UNC5C: variants seen among roughly 807,000 people sequenced by gnomAD.
The protein encoded by UNC5C is netrin receptor UNC5C.
Under a neutral mutation model 99.8 loss-of-function variants are expected in UNC5C, and 47 were observed. The observed-to-expected ratio is 0.47, with a 90% confidence interval of 0.37 to 0.60. The LOEUF (loss-of-function observed/expected upper bound fraction) is 0.60, where lower values mean the gene tolerates loss of function less well. UNC5C is among the 20% of genes least tolerant of loss of function. The pLI is 0.00. For synonymous variants in UNC5C, 487 were observed against 452.2 expected, an observed-to-expected ratio of 1.08 and a Z score of -0.98; for missense variants, 1,062 against 1,165.9, an observed-to-expected ratio of 0.91 and a Z score of 1.30.
rs1053731390 is a variant in UNC5C, at chr4:95,369,199, G to GA, written c.125-33569_125-33568insT. Among the ~76,000 whole-genome samples, 26 of 9,104 alleles carry GA rather than the reference G, an allele frequency of 2.9e-3. No homozygotes were observed. In the African/African-American group the frequency reaches 0.091, roughly 32 times the overall value. 6.0% of individuals were successfully genotyped at this position (9,104 alleles called of 152,430 possible). ...TGTATACTTTCTGCAATCTCAATTT[G>GA]GTGCTAAATTTTTACCAGAAATACT... On this transcript the variant is annotated intron_variant, in intron 1 of 15. Coordinates refer to ENST00000453304, the MANE Select transcript of UNC5C (RefSeq NM_003728.4).
chr4:95,383,262 TACACACACACACAC>T (rs35068196), intron 1 of UNC5C, among the ~76,000 whole-genome samples: 9 of 150,816 alleles, frequency 6.0e-5, no homozygotes, highest in African/African-American at 2.2e-4. Context: ...TGTGTGTGTT[TACACACACACACAC>T]ACACACACAC....
chr4:95,329,758 T>C (rs1273727582), intron 2 of UNC5C, among the ~76,000 whole-genome samples: 1 of 152,242 alleles, frequency 6.6e-6, no homozygotes, highest in Admixed American at 6.5e-5. Context: ...TTTTTAAATC[T>C]GTCTCTTGGT....
intron 1 of UNC5C, among the ~76,000 whole-genome samples, chr4:95,545,996 A>C (rs1477003172): frequency 6.6e-6 from 1 of 152,174 alleles, no homozygotes; most frequent in East Asian, 1.9e-4. Flanking sequence ...AACTCAGTAC[A>C]CTCACAAATA....
intron 12 of UNC5C, 33 bp from the exon 13 acceptor site, chr4:95,185,229 T>C: frequency 6.4e-7 from 1 of 1,574,574 alleles, no homozygotes; most frequent in Non-Finnish European, 8.6e-7. Flanking sequence ...CAAAGCACGT[T>C]ATTGATTTGG....
At chr4:95,480,757 C>A (rs265069) in intron 1 of UNC5C, among the ~76,000 whole-genome samples, 12,969 of 152,030 alleles carry the variant, frequency 0.085, 813 homozygotes, top group African/African-American at 0.16. Flanking sequence ...AAGAAAAAAA[C>A]CACATGATTA....
chr4:95,355,136 T>C (rs538510959), intron 1 of UNC5C, among the ~76,000 whole-genome samples: 1 of 152,292 alleles, frequency 6.6e-6, no homozygotes, highest in South Asian at 2.1e-4. Flanking sequence ...ATATGAGTAC[T>C]GCTGCTTATT....
intron 1 of UNC5C, among the ~76,000 whole-genome samples, chr4:95,525,282 C>G (rs7654267): frequency 0.013 from 1,917 of 152,218 alleles, 47 homozygotes; most frequent in African/African-American, 0.044. Context: ...TGCTCAAGTA[C>G]TAAAATAAAT....
At chr4:95,188,658 T>TTATA (rs1736934775) in intron 12 of UNC5C, among the ~76,000 whole-genome samples, 1 of 152,246 alleles carries the variant, frequency 6.6e-6, no homozygotes, top group African/African-American at 2.4e-5. Context: ...CTCATTTTGG[T>TTATA]TATTTATATG....
At position 95,490,157 on chromosome 4, in the gene UNC5C, G is replaced by A. The variant is rs75048787; in HGVS notation, c.124+58577C>T. On this transcript the variant is annotated intron_variant, in intron 1 of 15. Coordinates refer to ENST00000453304, the MANE Select transcript of UNC5C (RefSeq NM_003728.4). ...AGAGGAAGAGAGGCAAAAGGGAAGC[G>A]GAACACGATTTCATGGCAATCAAGA... is the stretch of plus-strand genomic sequence containing the variant. Among the ~76,000 whole-genome samples, 304 of 151,534 alleles carry A rather than the reference G, an allele frequency of 2.0e-3. 3 individuals are homozygous for A. The East Asian group carries it at 0.041, about 20-fold the overall frequency.
intron 4 of UNC5C, among the ~76,000 whole-genome samples, chr4:95,259,254 T>A (rs572831160): frequency 9.9e-5 from 15 of 152,228 alleles, no homozygotes; most frequent in African/African-American, 3.1e-4. Flanking sequence ...CATTATAAGG[T>A]TCTTAAAAAC....
At chr4:95,453,910 G>A (rs1276469503) in intron 1 of UNC5C, among the ~76,000 whole-genome samples, 1 of 152,092 alleles carries the variant, frequency 6.6e-6, no homozygotes, top group Admixed American at 6.6e-5. Flanking sequence ...AGCAGAATTT[G>A]TAATTTGTAC....
rs376721723 is a variant in UNC5C, at chr4:95,254,958, C to T, written c.595-4291G>A. Among the ~76,000 whole-genome samples the T allele has an allele frequency of 3.2e-4, 48 of 151,978 alleles. No homozygotes were observed. The South Asian group carries it at 9.8e-3, about 31-fold the overall frequency. ...TTGTCACTTCAAGATATTCACTTGGCCACTATTTGCCTACAACACCACTGT... is the reference window on the plus strand; with the variant it reads ...TTGTCACTTCAAGATATTCACTTGGTCACTATTTGCCTACAACACCACTGT... On this transcript the variant is annotated intron_variant, in intron 4 of 15. Coordinates refer to ENST00000453304, the MANE Select transcript of UNC5C (RefSeq NM_003728.4).
At chr4:95,224,127 C>T (rs1297788247) in intron 7 of UNC5C, among the ~76,000 whole-genome samples, 2 of 151,994 alleles carry the variant, frequency 1.3e-5, no homozygotes, top group Non-Finnish European at 2.9e-5. Flanking sequence ...ACCCAAAATA[C>T]AAAAAATTAG....
chr4:95,310,520 A>ATG (rs1027937954), intron 2 of UNC5C, among the ~76,000 whole-genome samples: 10 of 152,206 alleles, frequency 6.6e-5, no homozygotes, highest in African/African-American at 9.6e-5. Context: ...CATGATATAT[A>ATG]TTTCAAAACA....
At chr4:95,312,708 T>C (rs986134095) in intron 2 of UNC5C, among the ~76,000 whole-genome samples, 8 of 152,180 alleles carry the variant, frequency 5.3e-5, no homozygotes, top group African/African-American at 1.9e-4. Context: ...AGAAAAGAGT[T>C]CCATGGTCAA....
intron 3 of UNC5C, among the ~76,000 whole-genome samples, chr4:95,285,107 AT>A (rs1316592149): frequency 6.6e-6 from 1 of 152,244 alleles, no homozygotes; most frequent in Non-Finnish European, 1.5e-5. Flanking sequence ...TAATTTAAAA[AT>A]GATTTACATT....
intron 1 of UNC5C, among the ~76,000 whole-genome samples, chr4:95,545,383 A>AT (rs1282326203): frequency 2.0e-5 from 3 of 152,220 alleles, no homozygotes; most frequent in Admixed American, 6.5e-5. Flanking sequence ...CTTATTGCAT[A>AT]TTCCTAATGT....
intron 3 of UNC5C, among the ~76,000 whole-genome samples, chr4:95,280,904 T>C (rs2149395268): frequency 6.6e-6 from 1 of 152,286 alleles, no homozygotes; most frequent in African/African-American, 2.4e-5. Flanking sequence ...GACATCTCTT[T>C]TGGTTAATTT....
At position 95,192,649 on chromosome 4, in the gene UNC5C, TCTG is replaced by T. The variant is rs1441381259; in HGVS notation, c.2137-7456_2137-7454del. Among the ~76,000 whole-genome samples the T allele has an allele frequency of 3.5e-5, 5 of 141,766 alleles. No individual in the cohort carries two copies. In the East Asian group the frequency reaches 1.1e-3, roughly 32 times the overall value. 93.0% of individuals were successfully genotyped at this position (141,766 alleles called of 152,430 possible). A position where few individuals can be genotyped will look rare whatever the true frequency, so the allele number is the denominator to read the frequency against. On this transcript the variant is annotated intron_variant, in intron 12 of 15. Transcript: ENST00000453304. ...TCACCCTCCTCTCCTGCTCACCTCT[TCTG>T]CTCACCTCTTCCCCTGCTCACCTCC...
Sources: gnomAD v4.1 joint callset for allele counts (sites outside exome capture counted in the v4.1 genomes callset) on GRCh38, gnomAD v4.1.1 for gene constraint, MANE v1.5 for transcripts, NCBI Gene and HGNC (gene_info 2026-07-23, HGNC 2026-07-21) for gene names.